IKBKE: variants seen among roughly 807,000 people sequenced by gnomAD.
IKBKE encodes inhibitor of nuclear factor kappa B kinase subunit epsilon, also known as inhibitor of nuclear factor kappa-B kinase subunit epsilon.
In IKBKE, 45 loss-of-function variants were observed where a neutral mutation model predicts 92.1. The observed-to-expected ratio is 0.49, with a 90% CI of 0.38 to 0.63. The LOEUF is 0.63. IKBKE is among the 20% of genes least tolerant of loss of function. The pLI, the probability that IKBKE is intolerant of heterozygous loss-of-function variation, is 0.00. For missense variants in IKBKE, 700 were observed against 932.8 expected (o/e 0.75, Z 3.25); for synonymous variants, 374 against 380.3 (o/e 0.98, Z 0.19).
Position 206,483,295 on chromosome 1 carries a change from GC to G in IKBKE, c.1428-1700del, listed in dbSNP as rs369758248. 4.9e-4 allele frequency among the ~76,000 whole-genome samples: 75 copies of G among 152,344 alleles called. 1 individual carries two copies. Among genetic ancestry groups the G allele is most frequent in the African/African-American group, 1.8e-3 (74 of 41,568 alleles). On this transcript the variant is annotated intron_variant, in intron 13 of 21. Transcript: ENST00000581977. The stretch of plus-strand genomic sequence containing the variant: ...ACCCAAGGTCATGCAGATAGCAAAT[GC>G]CAGGACTAGGACTCGAACCCATGTC...
In IKBKE at chr1:206,478,414, TC is replaced by T; in HGVS notation, c.992+78del. 1 of 1,433,832 alleles carries T rather than the reference TC, an allele frequency of 7.0e-7. No homozygotes were observed. The highest frequency in any genetic ancestry group is 9.7e-7 in the Non-Finnish European group (1 of 1,032,408). 88.8% of individuals were successfully genotyped at this position (1,433,832 alleles called of 1,614,324 possible). A position where few individuals can be genotyped will look rare whatever the true frequency, so the allele number is the denominator to read the frequency against. On this transcript the variant is annotated intron_variant, in intron 9 of 21. Coordinates refer to ENST00000581977, the MANE Select transcript of IKBKE (RefSeq NM_014002.4). The surrounding 1 kb of genome is among the most constrained non-coding windows in gnomAD (Gnocchi z 4.8). ...AGCAGTGCATGTCCAAAGCAGCATC[TC>T]CCACAGTACGTTCTGAGGAGTGTGT...
chr1:206,495,573 G>T (rs1553391915), intron 21 of IKBKE, among the ~76,000 whole-genome samples: 1 of 152,156 alleles, frequency 6.6e-6, no homozygotes, highest in African/African-American at 2.4e-5. Flanking sequence ...TCCAGCAAGA[G>T]AACTCATCCT....
intron 17 of IKBKE, chr1:206,491,150 T>C (rs1221619295): frequency 1.0e-5 from 5 of 496,192 alleles, no homozygotes; most frequent in Non-Finnish European, 1.8e-5. Flanking sequence ...CACTTACCAC[T>C]TCCTGCTTCT....
At chr1:206,489,396 T>C (rs954312479) in intron 16 of IKBKE, among the ~76,000 whole-genome samples, 3 of 124,126 alleles carry the variant, frequency 2.4e-5, no homozygotes, top group Non-Finnish European at 3.5e-5. Flanking sequence ...TATATATATA[T>C]ATATACACAC....
chr1:206,480,924 C>A (rs1250868442), intron 13 of IKBKE, among the ~76,000 whole-genome samples: 1 of 152,182 alleles, frequency 6.6e-6, no homozygotes, highest in Non-Finnish European at 1.5e-5. Context: ...CTGGATGTGA[C>A]CAGGGATGGA....
rs1664973666 is a variant in IKBKE at position 206,474,865 on chromosome 1, G to A, written c.229G>A (p.Gly77Ser). The A allele has an allele frequency of 1.9e-6, 3 of 1,613,858 alleles. No individual in the cohort carries two copies. Among genetic ancestry groups the A allele is most frequent in the African/African-American group, 1.3e-5 (1 of 75,024 alleles). Reference sequence around the variant, plus strand: ...GAGCCCCTCTCTGTCCCACCCATAGGGCGGAAGCCGGCAGAAGGTACTGGT... The same window carrying A: ...GAGCCCCTCTCTGTCCCACCCATAGAGCGGAAGCCGGCAGAAGGTACTGGT... ...IVKLFAVEET[G>S]GSRQKVLVME... The change falls in exon 5 of 22, where the codon GGC (glycine) becomes AGC (serine). Residue 77 changes from glycine to serine, a missense_variant and splice_region_variant. Gly to Ser is a moderately conservative substitution (Grantham distance 56). Transcript: ENST00000581977.
intron 13 of IKBKE, among the ~76,000 whole-genome samples, chr1:206,482,034 C>T (rs913844178): frequency 9.9e-5 from 15 of 152,194 alleles, no homozygotes; most frequent in Admixed American, 2.6e-4. Context: ...CTGCCTCAGC[C>T]TCCCAAAGTG....
intron 13 of IKBKE, 129 bp downstream of exon 13, chr1:206,480,662 T>G: frequency 1.4e-6 from 1 of 714,542 alleles, no homozygotes; most frequent in Non-Finnish European, 2.5e-6. Context: ...CCTCCTAGAA[T>G]AGAGGGCACC....
Position 206,476,136 on chromosome 1 carries a change from T to A in IKBKE, c.359-45T>A. ...CCAAGATGAGCCTCAGACACTAGAC[T>A]GTCCCCGACCAGAGCCAGCTAGTGG... is the stretch of plus-strand genomic sequence containing the variant. On this transcript the variant is annotated intron_variant, in intron 5 of 21. Coordinates refer to ENST00000581977, the MANE Select transcript of IKBKE (RefSeq NM_014002.4). The surrounding 1 kb of genome is among the most constrained non-coding windows in gnomAD (Gnocchi z 5.1). 1 of 1,595,482 alleles carries A rather than the reference T, an allele frequency of 6.3e-7. No homozygotes were observed. The highest frequency in any genetic ancestry group is 8.6e-7 in the Non-Finnish European group (1 of 1,165,990).
At position 206,478,231 on chromosome 1, in the gene IKBKE, T is replaced by G; in HGVS notation, c.884T>G (p.Phe295Cys). 1.9e-6 allele frequency: 3 copies of G among 1,614,216 alleles called. No homozygotes were observed. The highest frequency in any genetic ancestry group is 2.5e-6 in the Non-Finnish European group (3 of 1,180,042). ...LEVEQAKCWG[F>C]DQFFAETSDI... ...GTGGAGCAGGCCAAGTGCTGGGGCT[T>G]CGACCAGTTCTTTGCGGAGACCAGT... The change falls in exon 9 of 22, where the codon TTC (phenylalanine) becomes TGC (cysteine). Residue 295 changes from phenylalanine (F) to cysteine (C), a missense_variant. Transcript: ENST00000581977. This position sits in a 1 kb window ranked among gnomAD's most constrained non-coding sequence, Gnocchi z 4.8.
chr1:206,473,845 C>T (rs1375439594), intron 3 of IKBKE, among the ~76,000 whole-genome samples: 4 of 151,446 alleles, frequency 2.6e-5, no homozygotes, highest in African/African-American at 7.3e-5. Context: ...ACCTGTAATC[C>T]CAGCTACTCA....
In IKBKE at chr1:206,493,292, C is replaced by G. The variant is rs142331757; in HGVS notation, c.1959C>G (p.Leu653=). Residue 653 remains leucine (L), a synonymous_variant, in exon 20 of 22, where the codon CTC becomes CTG. Transcript: ENST00000581977. The part of the protein sequence containing the change: ...SKLLEELSHQ[L]LQDRAKGAQA... ...TCCTGGAAGAGCTATCTCACCAGCT[C>G]CTTCAGGACCGAGCAAAGGGGGCTC... 2.2e-5 allele frequency: 35 copies of G among 1,614,106 alleles called. No homozygotes were observed. The African/African-American group carries it at 3.1e-4, about 14-fold the overall frequency.
At chr1:206,483,097 T>C (rs1665486468) in intron 13 of IKBKE, among the ~76,000 whole-genome samples, 1 of 152,194 alleles carries the variant, frequency 6.6e-6, no homozygotes, top group South Asian at 2.1e-4. Context: ...CAGGACGGGC[T>C]TTGGGAATCC....
intron 2 of IKBKE, among the ~76,000 whole-genome samples, chr1:206,472,237 T>A (rs1664815414): frequency 6.6e-6 from 1 of 151,774 alleles, no homozygotes; most frequent in Non-Finnish European, 1.5e-5. Context: ...GATGACAGAG[T>A]GAGACCTTAC....
At chr1:206,488,061 C>T (rs1665760435) in intron 16 of IKBKE, 71 bp downstream of exon 16, 1 of 1,209,388 alleles carries the variant, frequency 8.3e-7, no homozygotes, top group Non-Finnish European at 1.2e-6. Context: ...TTCCTTTTCA[C>T]TGGTGCTACC....
Position 206,491,190 on chromosome 1 carries a change from C to A in IKBKE, c.1733+332C>A, listed in dbSNP as rs530674550. ...TCTGCCTGAACCTTCCCTGCCTCCC[C>A]CCGCTCCTCTGTCTCCCATGTTTCC... On this transcript the variant is annotated intron_variant, in intron 17 of 21. Transcript: ENST00000581977. 1.6e-3 allele frequency: 696 copies of A among 436,710 alleles called. 12 individuals carry two copies. The highest frequency in any genetic ancestry group is 0.01 in the South Asian group (384 of 37,930). The allele number at this position is 436,710 out of a possible 1,614,324, so 27.1% of individuals were successfully genotyped here. A position where few individuals can be genotyped will look rare whatever the true frequency, so the allele number is the denominator to read the frequency against.
chr1:206,470,518 G>C lies in IKBKE; in HGVS notation c.-303G>C, dbSNP rs1026170360. 2.0e-5 allele frequency: 3 copies of C among 152,460 alleles called. No homozygotes were observed. Among genetic ancestry groups the C allele is most frequent in the Admixed American group, 2.0e-4 (3 of 15,314 alleles). 9.4% of individuals were successfully genotyped at this position (152,460 alleles called of 1,614,324 possible). On this transcript the variant is annotated 5_prime_UTR_variant, in exon 1 of 22. Coordinates refer to ENST00000581977, the MANE Select transcript of IKBKE (RefSeq NM_014002.4). The stretch of plus-strand genomic sequence containing the variant: ...CCCACCGCCACAAGGAGGCAGGGAA[G>C]AAACCCACTAGTCCCAGCTCCTGGG...
intron 2 of IKBKE, among the ~76,000 whole-genome samples, chr1:206,472,608 C>T (rs1320640301): frequency 6.6e-6 from 1 of 152,124 alleles, no homozygotes; most frequent in East Asian, 1.9e-4. Context: ...CACACACACA[C>T]ACACTCTGAA....
At chr1:206,489,484 C>T in intron 16 of IKBKE, among the ~76,000 whole-genome samples, 1 of 150,778 alleles carries the variant, frequency 6.6e-6, no homozygotes, top group East Asian at 2.0e-4. Flanking sequence ...GGGAGGATCA[C>T]TTGGGCCCAG....
Sources: allele counts gnomAD v4.1 joint callset (sites outside exome capture counted in the v4.1 genomes callset), GRCh38; gene constraint gnomAD v4.1.1; non-coding constraint Gnocchi (gnomAD v3.1); transcripts MANE v1.5; gene names NCBI Gene and HGNC (gene_info 2026-07-23, HGNC 2026-07-21).